Variants in XPNPEP3 observed in about 807,000 individuals in gnomAD.
The protein encoded by XPNPEP3 is X-prolyl aminopeptidase 3, also known as xaa-Pro aminopeptidase 3.
In XPNPEP3, 41 loss-of-function variants were observed where a neutral mutation model predicts 60.0. The observed-to-expected ratio is 0.68, with a 90% CI of 0.53 to 0.89. The LOEUF (loss-of-function observed/expected upper bound fraction) is 0.89, where lower values mean the gene tolerates loss of function less well. Ranked by LOEUF, XPNPEP3 falls within the 40% of genes least tolerant of loss-of-function variation. XPNPEP3 has a pLI of 0.00. For synonymous variants in XPNPEP3, 212 were observed against 223.2 expected, an observed-to-expected ratio of 0.95 and a Z score of 0.45; for missense variants, 598 against 638.9, an observed-to-expected ratio of 0.94 and a Z score of 0.69.
chr22:40,869,681 AT>A (rs756260932), intron 2 of XPNPEP3, among the ~76,000 whole-genome samples: 1 of 151,654 alleles, frequency 6.6e-6, no homozygotes, highest in South Asian at 2.1e-4. Context: ...TGTTTTACTA[AT>A]TTTTTTTTCT....
intron 5 of XPNPEP3, 24 bp downstream of exon 5, chr22:40,907,673 A>G (rs935199315): frequency 6.2e-7 from 1 of 1,608,326 alleles, no homozygotes. Context: ...GGTTAGCTTC[A>G]CCATCTTGTT....
chr22:40,914,268 T>C lies in XPNPEP3; in HGVS notation c.999T>C (p.Gly333=), dbSNP rs1352120886. ...GGGAAATGGTGCTTCTGGATGGAGG[T>C]TGTGAGTCTTCCTGCTATGTGAGTG... ...KDGEMVLLDG[G]CESSCYVSDI... Residue 333 remains glycine (G), a synonymous_variant, in exon 7 of 10, where the codon GGT becomes GGC. Transcript: ENST00000357137. The C allele has an allele frequency of 5.6e-6, 9 of 1,613,902 alleles. No individual in the cohort carries two copies. Among genetic ancestry groups the C allele is most frequent in the African/African-American group, 1.3e-5 (1 of 74,876 alleles).
At chr22:40,861,944 C>T in intron 1 of XPNPEP3, 1 of 1,611,706 alleles carries the variant, frequency 6.2e-7, no homozygotes. Context: ...TTTTAATGTC[C>T]TCAGGTGAAG....
intron 7 of XPNPEP3, 71 bp downstream of exon 7, chr22:40,914,395 A>T: frequency 7.8e-7 from 1 of 1,285,040 alleles, no homozygotes; most frequent in African/African-American, 1.5e-5. Context: ...CTATATTTGG[A>T]ATGAATGACT....
chr22:40,900,553 C>T (rs548395730), intron 4 of XPNPEP3, among the ~76,000 whole-genome samples: 76 of 152,182 alleles, frequency 5.0e-4, no homozygotes, highest in Admixed American at 9.8e-4. Flanking sequence ...TTGTCATGAA[C>T]CGAGATCGCA....
chr22:40,903,583 C>T (rs1437286089), intron 4 of XPNPEP3, among the ~76,000 whole-genome samples: 2 of 151,740 alleles, frequency 1.3e-5, no homozygotes, highest in African/African-American at 4.8e-5. Context: ...CTCCGCCTCC[C>T]GGGTTCAAGC....
intron 7 of XPNPEP3, among the ~76,000 whole-genome samples, chr22:40,920,802 G>GT (rs2058213537): frequency 2.0e-5 from 3 of 151,708 alleles, no homozygotes; most frequent in East Asian, 1.9e-4. Flanking sequence ...TTTTTGTTTT[G>GT]TTTTTTTGAG....
At position 40,907,661 on chromosome 22, in the gene XPNPEP3, ATGGTTAGC is replaced by A; in HGVS notation, c.855+14_855+21del. The A allele has an allele frequency of 6.2e-7, 1 of 1,612,278 alleles. No individual in the cohort carries two copies. Among genetic ancestry groups the A allele is most frequent in the Non-Finnish European group, 8.5e-7 (1 of 1,178,396 alleles). On this transcript the variant is annotated intron_variant, in intron 5 of 9. Coordinates refer to ENST00000357137, the MANE Select transcript of XPNPEP3 (RefSeq NM_022098.4). ...TTCTTTATGCTAAGGTGAGATTCAG[ATGGTTAGC>A]TTCACCATCTTGTTGGAGGTGAATA...
chr22:40,909,084 A>G, intron 5 of XPNPEP3, 38 bp from the exon 6 acceptor site: 1 of 1,593,586 alleles, frequency 6.3e-7, no homozygotes, highest in South Asian at 1.1e-5. Flanking sequence ...GCAGCCCTAC[A>G]GAAACCCTTT....
At chr22:40,862,110 T>G in intron 1 of XPNPEP3, 1 of 1,497,618 alleles carries the variant, frequency 6.7e-7, no homozygotes, top group Non-Finnish European at 8.9e-7. Context: ...TACACTTTTA[T>G]GTTAAAGACA....
chr22:40,875,758 A>T (rs2058025455), intron 2 of XPNPEP3, among the ~76,000 whole-genome samples: 1 of 152,030 alleles, frequency 6.6e-6, no homozygotes, highest in Non-Finnish European at 1.5e-5. Context: ...TCACACCTAT[A>T]ATCCCAGCAC....
intron 4 of XPNPEP3, among the ~76,000 whole-genome samples, chr22:40,893,678 A>C (rs2058097175): frequency 6.6e-6 from 1 of 151,734 alleles, no homozygotes; most frequent in Admixed American, 6.6e-5. Context: ...GTGCAATGGC[A>C]TGATCTCAGC....
intron 1 of XPNPEP3, among the ~76,000 whole-genome samples, chr22:40,864,706 A>C (rs2057969274): frequency 6.6e-6 from 1 of 152,130 alleles, no homozygotes; most frequent in Non-Finnish European, 1.5e-5. Flanking sequence ...CAGCCTCCCA[A>C]AGCGCTGGGA....
intron 4 of XPNPEP3, among the ~76,000 whole-genome samples, chr22:40,901,088 C>G (rs2058130519): frequency 6.6e-6 from 1 of 151,058 alleles, no homozygotes; most frequent in Admixed American, 6.6e-5. Context: ...GACCTCCTCT[C>G]TTTTTATTAA....
chr22:40,931,319 T>A lies in XPNPEP3; in HGVS notation c.*4884T>A, dbSNP rs985640681. ...TAAATGAAGGAAACATATCTGGATA[T>A]CCAGTGTCACATACTTTTATGTATT... On this transcript the variant is annotated 3_prime_UTR_variant, in exon 10 of 10. Transcript: ENST00000357137. 2 of 152,206 alleles carry A rather than the reference T, an allele frequency of 1.3e-5. No homozygotes were observed. The highest frequency in any genetic ancestry group is 2.4e-5 in the African/African-American group (1 of 41,444). The allele number at this position is 152,206 out of a possible 1,614,324, so 9.4% of individuals were successfully genotyped here. A position where few individuals can be genotyped will look rare whatever the true frequency, so the allele number is the denominator to read the frequency against.
intron 2 of XPNPEP3, among the ~76,000 whole-genome samples, chr22:40,880,771 T>C (rs1009101452): frequency 3.6e-5 from 5 of 138,672 alleles, no homozygotes; most frequent in East Asian, 4.1e-4. Context: ...GCCTGGGAGA[T>C]AGCGAGACTC....
intron 9 of XPNPEP3, among the ~76,000 whole-genome samples, chr22:40,925,827 T>C (rs2058232720): frequency 6.6e-6 from 1 of 152,242 alleles, no homozygotes; most frequent in Non-Finnish European, 1.5e-5. Flanking sequence ...TTGAATACAG[T>C]TTAAATATAT....
At chr22:40,874,172 AT>A (rs1348940371) in intron 2 of XPNPEP3, among the ~76,000 whole-genome samples, 2 of 152,260 alleles carry the variant, frequency 1.3e-5, no homozygotes, top group African/African-American at 4.8e-5. Flanking sequence ...AAATAAAATG[AT>A]GCTTGAGACC....
chr22:40,891,064 C>T (rs749505663), intron 4 of XPNPEP3, among the ~76,000 whole-genome samples: 4 of 148,188 alleles, frequency 2.7e-5, no homozygotes, highest in Non-Finnish European at 5.9e-5. Flanking sequence ...ATGATTTGGC[C>T]AGATGTGGTG....
Sources: gnomAD v4.1 joint callset for allele counts (sites outside exome capture counted in the v4.1 genomes callset) on GRCh38, gnomAD v4.1.1 for gene constraint, MANE v1.5 for transcripts, NCBI Gene and HGNC (gene_info 2026-07-23, HGNC 2026-07-21) for gene names.